The following ZFHX3 variants were observed in gnomAD, a reference collection of about 807,000 sequenced individuals.
ZFHX3 encodes the protein zinc finger homeobox 3, also known as zinc finger homeobox protein 3.
In ZFHX3, 42 loss-of-function variants were observed where a neutral mutation model predicts 279.1. That is an observed-to-expected ratio of 0.15 (90% CI 0.12 to 0.19). The LOEUF is 0.19. Ranked by LOEUF, ZFHX3 falls within the 10% of genes least tolerant of loss-of-function variation. The pLI is 1.00. For missense variants in ZFHX3, 4,981 were observed against 4,754.0 expected (o/e 1.05, Z -1.40); for synonymous variants, 2,293 against 1,957.8 (o/e 1.17, Z -4.52).
At chr16:73,015,139 C>T (rs1160246239) in intron 1 of ZFHX3, 3 of 151,196 alleles carry the variant, frequency 2.0e-5, no homozygotes, top group South Asian at 2.1e-4. Context: ...CTCTACCTCC[C>T]GGGCTGAAGT....
intron 7 of ZFHX3, among the ~76,000 whole-genome samples, chr16:73,094,995 C>A (rs762240290): frequency 2.0e-5 from 3 of 152,202 alleles, no homozygotes; most frequent in Non-Finnish European, 4.4e-5. Context: ...CAGGCATGAG[C>A]CACTGTGCGC....
At chr16:73,775,092 A>G (rs2142296528) in intron 1 of ZFHX3, among the ~76,000 whole-genome samples, 1 of 152,312 alleles carries the variant, frequency 6.6e-6, no homozygotes, top group South Asian at 2.1e-4. Flanking sequence ...AGGGACAAAC[A>G]AGATTCAAAA....
intron 4 of ZFHX3, among the ~76,000 whole-genome samples, chr16:73,281,042 G>A (rs2014445868): frequency 7.4e-6 from 1 of 135,862 alleles, no homozygotes; most frequent in African/African-American, 2.7e-5. Context: ...GAGGGGAGGG[G>A]AGGGGAGGGG....
At chr16:73,679,614 C>A (rs1429539446) in intron 2 of ZFHX3, 7 of 152,136 alleles carry the variant, frequency 4.6e-5, no homozygotes, top group Admixed American at 3.9e-4. Flanking sequence ...TACCTACAGC[C>A]ACAGAAATGA....
chr16:72,863,331 C>G (rs979388979), intron 4 of ZFHX3, among the ~76,000 whole-genome samples: 1 of 111,768 alleles, frequency 8.9e-6, no homozygotes, highest in Admixed American at 1.1e-4. Context: ...GGCAAAATCT[C>G]ATCTCTACTA....
rs550048176 is a variant in ZFHX3 at position 73,580,297 on chromosome 16, G to A, written c.-1547+99883C>T. ...GGTTGAGACCATCCTGGCCAACATGGTGAAACCCCATCTCTACTAAAAATA... is the reference window on the plus strand; with the variant it reads ...GGTTGAGACCATCCTGGCCAACATGATGAAACCCCATCTCTACTAAAAATA... On this transcript the variant is annotated intron_variant, in intron 2 of 17. Coordinates refer to the ZFHX3 transcript ENST00000641206. 2.2e-4 allele frequency among the ~76,000 whole-genome samples: 33 copies of A among 151,964 alleles called. 1 individual carries two copies. Among genetic ancestry groups the A allele is most frequent in the Admixed American group, 6.5e-4 (10 of 15,278 alleles).
chr16:73,272,191 A>T (rs868380040), intron 4 of ZFHX3, among the ~76,000 whole-genome samples: 3 of 152,210 alleles, frequency 2.0e-5, no homozygotes, highest in South Asian at 2.1e-4. Flanking sequence ...CTCCCTTTTT[A>T]AAAAATTTTA....
chr16:73,007,739 G>A (rs1203651959), intron 1 of ZFHX3, among the ~76,000 whole-genome samples: 2 of 152,022 alleles, frequency 1.3e-5, no homozygotes, highest in African/African-American at 4.8e-5. Flanking sequence ...GTGAGCCACC[G>A]CGCAAGGCCA....
At chr16:73,296,736 C>G (rs934906854) in intron 4 of ZFHX3, among the ~76,000 whole-genome samples, 5 of 152,076 alleles carry the variant, frequency 3.3e-5, no homozygotes, top group Non-Finnish European at 7.4e-5. Flanking sequence ...AAGACAAATA[C>G]TACTAATAAT....
At chr16:73,423,148 G>A (rs1175752976) in intron 3 of ZFHX3, among the ~76,000 whole-genome samples, 7 of 152,050 alleles carry the variant, frequency 4.6e-5, no homozygotes, top group Non-Finnish European at 1.0e-4. Context: ...TGAGGGTTAG[G>A]ACTTCAACAT....
chr16:72,895,571 C>A (rs2038879087), intron 3 of ZFHX3, among the ~76,000 whole-genome samples: 2 of 152,258 alleles, frequency 1.3e-5, no homozygotes, highest in African/African-American at 4.8e-5. Flanking sequence ...CGCCTGTAAT[C>A]CCAACACTGG....
intron 2 of ZFHX3, among the ~76,000 whole-genome samples, chr16:73,597,831 G>A (rs947093988): frequency 6.6e-6 from 1 of 152,232 alleles, no homozygotes; most frequent in Non-Finnish European, 1.5e-5. Context: ...TCATGCTGAT[G>A]TAGTACAGCA....
At chr16:73,785,609 A>G (rs561784966) in intron 1 of ZFHX3, among the ~76,000 whole-genome samples, 1 of 152,008 alleles carries the variant, frequency 6.6e-6, no homozygotes, top group Non-Finnish European at 1.5e-5. Context: ...TTCCATCTTT[A>G]TCGGTATAAA....
At position 73,430,876 on chromosome 16, in the gene ZFHX3, C is replaced by T. The variant is rs186996069; in HGVS notation, c.-1291+25127G>A. Among the ~76,000 whole-genome samples the T allele has an allele frequency of 1.1e-3, 173 of 152,314 alleles. 2 individuals are homozygous for T. The highest frequency in any genetic ancestry group is 3.8e-3 in the African/African-American group (156 of 41,568). ...GTCCCTCAAAGGAAGGGATGTTGCG[C>T]TAATTACCTTTGTGTTTCCAGTGCC... On this transcript the variant is annotated intron_variant, in intron 3 of 17. Coordinates refer to the ZFHX3 transcript ENST00000641206.
intron 3 of ZFHX3, among the ~76,000 whole-genome samples, chr16:72,901,682 C>T (rs546307558): frequency 2.0e-5 from 3 of 152,192 alleles, no homozygotes; most frequent in African/African-American, 7.2e-5. Context: ...ACAGACTTGT[C>T]GGAGGGAAGC....
chr16:73,056,509 A>G lies in ZFHX3; in HGVS notation c.-24+2021T>C, dbSNP rs531138761. ...TCCCCTCAACCCACAGGATGTCTACACTTTGGGGGTTCAGCTCCTGAAACC... is the reference window on the plus strand; with the variant it reads ...TCCCCTCAACCCACAGGATGTCTACGCTTTGGGGGTTCAGCTCCTGAAACC... On this transcript the variant is annotated intron_variant, in intron 1 of 8. Coordinates refer to the ZFHX3 transcript ENST00000397992. Among the ~76,000 whole-genome samples, 5 of 152,082 alleles carry G rather than the reference A, an allele frequency of 3.3e-5. No homozygotes were observed. The East Asian group carries it at 9.7e-4, about 29-fold the overall frequency.
chr16:73,339,729 G>A (rs904084131), intron 3 of ZFHX3, among the ~76,000 whole-genome samples: 1 of 152,060 alleles, frequency 6.6e-6, no homozygotes, highest in Non-Finnish European at 1.5e-5. Context: ...TGTTCTCCTG[G>A]TCATTTCCAG....
At chr16:73,580,831 C>T (rs2051853821) in intron 2 of ZFHX3, among the ~76,000 whole-genome samples, 1 of 151,806 alleles carries the variant, frequency 6.6e-6, no homozygotes, top group African/African-American at 2.4e-5. Context: ...TATAGGAACC[C>T]ATTCATGTGT....
At chr16:73,639,487 G>A (rs918157941) in intron 2 of ZFHX3, among the ~76,000 whole-genome samples, 4 of 152,262 alleles carry the variant, frequency 2.6e-5, no homozygotes, top group South Asian at 2.1e-4. Context: ...TGAGAGCAGA[G>A]TGGTTTTAAT....
Sources: gnomAD v4.1 joint callset for allele counts (sites outside exome capture counted in the v4.1 genomes callset) on GRCh38, gnomAD v4.1.1 for gene constraint, MANE v1.5 for transcripts, NCBI Gene and HGNC (gene_info 2026-07-23, HGNC 2026-07-21) for gene names.